Variants in PRIM2 observed in about 807,000 individuals in gnomAD.
The protein encoded by PRIM2 is DNA primase subunit 2, also known as DNA primase large subunit.
A neutral mutation model predicts 67.3 loss-of-function variants in PRIM2; 39 were observed. The ratio of observed to expected loss-of-function variants is 0.58; its 90% CI spans 0.45 to 0.76. PRIM2 has a LOEUF of 0.76. PRIM2 is among the 30% of genes least tolerant of loss of function. PRIM2 has a pLI of 0.00. For missense variants in PRIM2, 398 were observed against 598.7 expected, an observed-to-expected ratio of 0.66 and a Z score of 3.50; for synonymous variants, 143 against 198.7, an observed-to-expected ratio of 0.72 and a Z score of 2.36.
At chr6:57,263,479 A>G in the PRIM2 span, among the ~76,000 whole-genome samples, 1 of 152,096 alleles carries the variant, frequency 6.6e-6, no homozygotes, top group African/African-American at 2.4e-5. Context: ...TTGCACAGTC[A>G]TCTTCTCCCT....
the PRIM2 span, among the ~76,000 whole-genome samples, chr6:57,248,010 A>G: frequency 6.6e-6 from 1 of 152,242 alleles, no homozygotes. Context: ...GCCAAAAAAT[A>G]ATTGGATCAG....
intron 11 of PRIM2, among the ~76,000 whole-genome samples, chr6:57,605,653 A>C (rs1776547965): frequency 6.6e-6 from 1 of 152,144 alleles, no homozygotes; most frequent in East Asian, 1.9e-4. Flanking sequence ...TTGACTTACC[A>C]TTGCAGTTTA....
chr6:57,343,361 A>G (rs550100991), intron 5 of PRIM2, among the ~76,000 whole-genome samples: 110 of 152,296 alleles, frequency 7.2e-4, no homozygotes, highest in African/African-American at 2.6e-3. Context: ...GACTCTCTTT[A>G]TACCTACCCT....
chr6:57,581,795 A>G (rs1256924843), intron 10 of PRIM2, among the ~76,000 whole-genome samples: 6 of 152,324 alleles, frequency 3.9e-5, no homozygotes, highest in African/African-American at 1.2e-4. Context: ...GGATGACCCT[A>G]TGAACATACA....
chr6:57,578,068 T>C (rs2127483863), intron 10 of PRIM2, among the ~76,000 whole-genome samples: 1 of 152,288 alleles, frequency 6.6e-6, no homozygotes, highest in East Asian at 1.9e-4. Flanking sequence ...GGAAGGATAC[T>C]GGTTACTTTG....
At chr6:57,262,553 C>T in the PRIM2 span, among the ~76,000 whole-genome samples, 5 of 152,042 alleles carry the variant, frequency 3.3e-5, no homozygotes, top group East Asian at 1.9e-4. Flanking sequence ...GAGGCTTTGC[C>T]GAGGCTGAAA....
intron 7 of PRIM2, among the ~76,000 whole-genome samples, chr6:57,389,897 TG>T (rs1770273019): frequency 6.6e-6 from 1 of 152,180 alleles, no homozygotes; most frequent in African/African-American, 2.4e-5. Context: ...GCTGATTTCT[TG>T]GGTTCTGGTT....
At chr6:57,402,909 T>C (rs202098332) in intron 7 of PRIM2, among the ~76,000 whole-genome samples, 1,593 of 152,258 alleles carry the variant, frequency 0.01, 8 homozygotes, top group Middle Eastern at 0.02. Context: ...ATATCCAGTT[T>C]AGAATCATTG....
At chr6:57,429,315 C>A (rs1431179857) in intron 7 of PRIM2, among the ~76,000 whole-genome samples, 2 of 152,158 alleles carry the variant, frequency 1.3e-5, no homozygotes, top group Non-Finnish European at 2.9e-5. Flanking sequence ...GCTGGAGGGA[C>A]TCTTGCTAGA....
At position 57,383,004 on chromosome 6, in the gene PRIM2, A is replaced by G. The variant is rs1364382671; in HGVS notation, c.693+836A>G. On this transcript the variant is annotated intron_variant, in intron 7 of 13. Transcript: ENST00000615550. ...TGTCAGCACTTGGGAAGACTAAAAT[A>G]CTAACTCTGTGTTTATTAAATGAAG... The G allele has an allele frequency of 2.6e-5, 4 of 152,136 alleles. No homozygotes were observed. In the East Asian group the frequency reaches 7.7e-4, roughly 29 times the overall value. The allele number at this position is 152,136 out of a possible 1,614,324, so 9.4% of individuals were successfully genotyped here. A position where few individuals can be genotyped will look rare whatever the true frequency, so the allele number is the denominator to read the frequency against.
intron 7 of PRIM2, among the ~76,000 whole-genome samples, chr6:57,403,237 T>G (rs1770770644): frequency 6.6e-6 from 1 of 151,500 alleles, no homozygotes; most frequent in Non-Finnish European, 1.5e-5. Context: ...GAAGGGATAG[T>G]TCAGGTGAAG....
At chr6:57,520,445 C>CA (rs1774586675) in intron 8 of PRIM2, among the ~76,000 whole-genome samples, 3 of 152,114 alleles carry the variant, frequency 2.0e-5, no homozygotes, top group African/African-American at 7.2e-5. Context: ...AACCCAAAAC[C>CA]AAAACCATCT....
At chr6:57,621,463 A>C (rs1365167118) in intron 12 of PRIM2, among the ~76,000 whole-genome samples, 2 of 150,334 alleles carry the variant, frequency 1.3e-5, no homozygotes, top group Admixed American at 6.6e-5. Flanking sequence ...TATTCCCATC[A>C]CTTTTTTTTT....
chr6:57,405,359 A>G (rs1460091800), intron 7 of PRIM2, among the ~76,000 whole-genome samples: 15 of 150,588 alleles, frequency 1.0e-4, no homozygotes, highest in Admixed American at 9.9e-4. Context: ...GTGACTGGAC[A>G]TTGTAAAGTA....
At chr6:57,322,683 C>G (rs1767699503) in intron 3 of PRIM2, among the ~76,000 whole-genome samples, 1 of 152,234 alleles carries the variant, frequency 6.6e-6, no homozygotes, top group South Asian at 2.1e-4. Context: ...TGGGTTTACT[C>G]AGTCTTGGGT....
chr6:57,563,048 A>G (rs1775668954), intron 10 of PRIM2, among the ~76,000 whole-genome samples: 1 of 152,134 alleles, frequency 6.6e-6, no homozygotes, highest in African/African-American at 2.4e-5. Flanking sequence ...TTCAAGTCCT[A>G]GGACAGAATC....
intron 7 of PRIM2, among the ~76,000 whole-genome samples, chr6:57,410,331 CAAAAAAAA>C (rs66631802): frequency 2.8e-5 from 3 of 105,396 alleles, no homozygotes; most frequent in Non-Finnish European, 5.8e-5. Context: ...AACGCCATCT[CAAAAAAAA>C]AAAAAAAAAA....
chr6:57,404,184 C>T (rs1770809041), intron 7 of PRIM2, among the ~76,000 whole-genome samples: 2 of 93,350 alleles, frequency 2.1e-5, no homozygotes, highest in African/African-American at 5.1e-5. Context: ...TGCAAGAACT[C>T]ACATTGCTCA....
intron 2 of PRIM2, among the ~76,000 whole-genome samples, chr6:57,319,362 A>G (rs551156868): frequency 6.6e-6 from 1 of 152,356 alleles, no homozygotes; most frequent in African/African-American, 2.4e-5. Context: ...TTTATGTTCC[A>G]GGATATCCCT....
Sources: allele counts gnomAD v4.1 joint callset (sites outside exome capture counted in the v4.1 genomes callset), GRCh38; gene constraint gnomAD v4.1.1; transcripts MANE v1.5; gene names NCBI Gene and HGNC (gene_info 2026-07-23, HGNC 2026-07-21).